Variants in GYS2 observed in about 807,000 individuals in gnomAD.
GYS2 encodes glycogen synthase 2.
A neutral mutation model predicts 85.6 loss-of-function variants in GYS2; 80 were observed. The ratio of observed to expected loss-of-function variants is 0.93; its 90% CI spans 0.78 to 1.13. The LOEUF is 1.13. Ranked by LOEUF, GYS2 falls within the 50% of genes most tolerant of loss-of-function variation. The pLI is 0.00. For missense variants in GYS2, 881 were observed against 854.9 expected, an observed-to-expected ratio of 1.03 and a Z score of -0.38; for synonymous variants, 328 against 300.7, an observed-to-expected ratio of 1.09 and a Z score of -0.94.
intron 7 of GYS2, among the ~76,000 whole-genome samples, chr12:21,561,792 T>C (rs1944256236): frequency 6.6e-6 from 1 of 152,184 alleles, no homozygotes; most frequent in African/African-American, 2.4e-5. Context: ...TTTTGCATAG[T>C]TGGATTTTAT....
At chr12:21,594,083 A>G (rs1944669296) in intron 1 of GYS2, among the ~76,000 whole-genome samples, 1 of 152,156 alleles carries the variant, frequency 6.6e-6, no homozygotes. Flanking sequence ...GCAGCCAATC[A>G]TAGAAGGAAC....
At chr12:21,550,314 AACACACACACACAC>A (rs10582787) in intron 11 of GYS2, among the ~76,000 whole-genome samples, 1,797 of 148,312 alleles carry the variant, frequency 0.012, 35 homozygotes, top group African/African-American at 0.036. Context: ...AGACAGAAAG[AACACACACACACAC>A]ACACACACAC....
chr12:21,546,809 T>C (rs1944046600), intron 11 of GYS2, among the ~76,000 whole-genome samples: 2 of 152,204 alleles, frequency 1.3e-5, no homozygotes, highest in African/African-American at 4.8e-5. Context: ...TTTGGTTATC[T>C]AATTGCTCTT....
chr12:21,588,280 T>C (rs1218410764), intron 1 of GYS2, among the ~76,000 whole-genome samples: 1 of 152,238 alleles, frequency 6.6e-6, no homozygotes. Context: ...AATGTATTAT[T>C]CCAGTAACTT....
chr12:21,565,399 A>ATG (rs1185683982), intron 5 of GYS2, among the ~76,000 whole-genome samples: 1 of 49,644 alleles, frequency 2.0e-5, no homozygotes, highest in African/African-American at 6.2e-5. Context: ...AAATATATAT[A>ATG]TATATATATA....
chr12:21,543,554 G>A (rs1260582386), intron 12 of GYS2, among the ~76,000 whole-genome samples: 1 of 151,560 alleles, frequency 6.6e-6, no homozygotes, highest in South Asian at 2.1e-4. Flanking sequence ...ATGGGAGTTG[G>A]GAGTTGGAGA....
chr12:21,567,245 G>C (rs1944331615), intron 5 of GYS2, among the ~76,000 whole-genome samples: 1 of 152,140 alleles, frequency 6.6e-6, no homozygotes, highest in African/African-American at 2.4e-5. Flanking sequence ...GCAGGAGAAA[G>C]GAGGAGATGG....
chr12:21,568,987 C>G lies in GYS2; in HGVS notation c.701G>C (p.Gly234Ala). ...GTACCGGTGGTAAATCTGCCTTTCC[C>G]CAGCCTCTTTGTCAATGTTAAACTG... is the stretch of plus-strand genomic sequence containing the variant. ...LDKFNIDKEA[G>A]ERQIYHRYCM... The change falls in exon 5 of 16, where the codon GGG (glycine) becomes GCG (alanine). Residue 234 changes from glycine to alanine, a missense_variant. Gly to Ala is a moderately conservative substitution (Grantham distance 60). Coordinates refer to ENST00000261195, the MANE Select transcript of GYS2 (RefSeq NM_021957.4). 2 of 1,614,108 alleles carry G rather than the reference C, an allele frequency of 1.2e-6. No individual in the cohort carries two copies. Among genetic ancestry groups the G allele is most frequent in the Non-Finnish European group, 8.5e-7 (1 of 1,179,986 alleles).
At chr12:21,570,403 A>G (rs1025587419) in intron 4 of GYS2, among the ~76,000 whole-genome samples, 1 of 152,250 alleles carries the variant, frequency 6.6e-6, no homozygotes, top group Non-Finnish European at 1.5e-5. Flanking sequence ...AAGTTATAGG[A>G]TCAAAGCAGC....
Position 21,560,388 on chromosome 12 carries a change from C to T in GYS2, c.1167G>A (p.Leu389=), listed in dbSNP as rs1366950454. ...TLKGQAVRKQ[L]WDVAHSVKEK... ...ACATTCACAGGTTGTGAGATTACCA[C>T]AGCTGTTTTCGCACTGCTTGTCCTT... The change falls in exon 8 of 16, where the codon CTG becomes CTA. Residue 389 remains leucine, a splice_region_variant and synonymous_variant. Transcript: ENST00000261195. 1.3e-6 allele frequency: 2 copies of T among 1,546,264 alleles called. No homozygotes were observed. Among genetic ancestry groups the T allele is most frequent in the Non-Finnish European group, 8.9e-7 (1 of 1,118,310 alleles).
chr12:21,584,232 G>A (rs117643365), intron 1 of GYS2, among the ~76,000 whole-genome samples: 2,421 of 152,342 alleles, frequency 0.016, 26 homozygotes, highest in Non-Finnish European at 0.024. Flanking sequence ...TTCATGGGCT[G>A]TAGCCAAAGG....
intron 1 of GYS2, among the ~76,000 whole-genome samples, chr12:21,603,478 A>G (rs1427809707): frequency 6.6e-6 from 1 of 152,124 alleles, no homozygotes; most frequent in Non-Finnish European, 1.5e-5. Context: ...CAAAAGAAGG[A>G]AGTAATATAT....
chr12:21,571,852 C>G (rs1944389856), intron 4 of GYS2, among the ~76,000 whole-genome samples: 1 of 152,116 alleles, frequency 6.6e-6, no homozygotes, highest in South Asian at 2.1e-4. Flanking sequence ...GTCCCACCTA[C>G]TCAGGAGGCT....
chr12:21,600,545 T>C (rs919491829), intron 1 of GYS2, among the ~76,000 whole-genome samples: 2 of 152,062 alleles, frequency 1.3e-5, no homozygotes, highest in Admixed American at 1.3e-4. Flanking sequence ...CATTTTGCTC[T>C]AGAGAAAAGC....
intron 1 of GYS2, among the ~76,000 whole-genome samples, chr12:21,590,900 T>C (rs901449165): frequency 2.6e-5 from 4 of 152,002 alleles, no homozygotes; most frequent in African/African-American, 9.7e-5. Context: ...AAAAATAATA[T>C]GAAGACTATG....
chr12:21,544,573 A>G (rs1944016280), intron 12 of GYS2, among the ~76,000 whole-genome samples: 1 of 152,190 alleles, frequency 6.6e-6, no homozygotes, highest in South Asian at 2.1e-4. Flanking sequence ...TAATAAGAAC[A>G]AGGTCAAAAA....
At chr12:21,538,606 G>A (rs1943936920) in intron 15 of GYS2, among the ~76,000 whole-genome samples, 1 of 152,140 alleles carries the variant, frequency 6.6e-6, no homozygotes, top group African/African-American at 2.4e-5. Flanking sequence ...CACCTAAGCT[G>A]TCACCTAGTG....
At chr12:21,559,859 T>C in intron 8 of GYS2, 149 bp from the exon 9 acceptor site, 1 of 689,002 alleles carries the variant, frequency 1.5e-6, no homozygotes, top group East Asian at 2.7e-5. Flanking sequence ...TCTATTATTT[T>C]ACTACTTGCC....
At chr12:21,594,546 C>T (rs531637945) in intron 1 of GYS2, among the ~76,000 whole-genome samples, 69 of 151,754 alleles carry the variant, frequency 4.5e-4, no homozygotes, top group Non-Finnish European at 6.2e-4. Context: ...ACCAAGGAAC[C>T]GAAAAACCTC....
Sources: allele counts gnomAD v4.1 joint callset (sites outside exome capture counted in the v4.1 genomes callset), GRCh38; gene constraint gnomAD v4.1.1; transcripts MANE v1.5; gene names NCBI Gene and HGNC (gene_info 2026-07-23, HGNC 2026-07-21).